Variants in SCFD2 observed in about 807,000 individuals in gnomAD.
SCFD2 encodes the protein sec1 family domain-containing protein 2.
Under a neutral mutation model 58.9 loss-of-function variants are expected in SCFD2, and 54 were observed. The observed-to-expected ratio is 0.92, with a 90% confidence interval of 0.74 to 1.15. The LOEUF is 1.15. SCFD2 is among the 50% of genes most tolerant of loss of function. SCFD2 has a pLI of 0.00. For missense variants in SCFD2, 805 were observed against 836.6 expected, an observed-to-expected ratio of 0.96 and a Z score of 0.47; for synonymous variants, 321 against 335.9, an observed-to-expected ratio of 0.96 and a Z score of 0.49.
chr4:53,320,362 A>C (rs1313795019), intron 2 of SCFD2, among the ~76,000 whole-genome samples: 1 of 152,230 alleles, frequency 6.6e-6, no homozygotes, highest in Non-Finnish European at 1.5e-5. Flanking sequence ...CACGCCTGTA[A>C]TCCCAGCACT....
intron 1 of SCFD2, among the ~76,000 whole-genome samples, chr4:53,360,753 G>A (rs768176863): frequency 1.6e-4 from 24 of 152,168 alleles, no homozygotes; most frequent in Non-Finnish European, 2.6e-4. Flanking sequence ...AGAAGGAAGC[G>A]GAGTCTTTAT....
At chr4:53,358,825 C>T (rs1160676832) in intron 1 of SCFD2, among the ~76,000 whole-genome samples, 1 of 152,208 alleles carries the variant, frequency 6.6e-6, no homozygotes, top group East Asian at 1.9e-4. Context: ...GACTTAAATC[C>T]TCTATGCAAA....
At chr4:53,350,050 G>A (rs1260545508) in intron 2 of SCFD2, among the ~76,000 whole-genome samples, 6 of 152,150 alleles carry the variant, frequency 3.9e-5, no homozygotes, top group African/African-American at 1.2e-4. Flanking sequence ...TGAGAAGTAC[G>A]TAAGTTAATA....
intron 5 of SCFD2, among the ~76,000 whole-genome samples, chr4:53,033,557 T>C (rs1313654226): frequency 1.3e-5 from 2 of 151,516 alleles, no homozygotes; most frequent in African/African-American, 2.4e-5. Flanking sequence ...AACAACAAAA[T>C]AGATAGACCA....
At chr4:52,895,776 A>AC (rs1370998831) in intron 7 of SCFD2, among the ~76,000 whole-genome samples, 1 of 151,270 alleles carries the variant, frequency 6.6e-6, no homozygotes, top group Non-Finnish European at 1.5e-5. Flanking sequence ...GCACTAGTTT[A>AC]CAGTGTGTAA....
At chr4:53,004,288 G>A (rs1046790907) in intron 5 of SCFD2, among the ~76,000 whole-genome samples, 1 of 152,172 alleles carries the variant, frequency 6.6e-6, no homozygotes, top group African/African-American at 2.4e-5. Context: ...AGCATGGAAA[G>A]GAACGTAAAT....
At chr4:53,229,026 T>C (rs1729329453) in intron 4 of SCFD2, among the ~76,000 whole-genome samples, 2 of 151,958 alleles carry the variant, frequency 1.3e-5, no homozygotes, top group South Asian at 2.1e-4. Context: ...CACAATTGCT[T>C]CAAAGAGAAT....
intron 5 of SCFD2, among the ~76,000 whole-genome samples, chr4:53,131,031 G>A (rs905997226): frequency 2.6e-5 from 4 of 152,136 alleles, no homozygotes; most frequent in African/African-American, 7.2e-5. Flanking sequence ...CAAAATATAT[G>A]ACTAAGAATT....
At chr4:53,238,610 G>C (rs1351127376) in intron 4 of SCFD2, among the ~76,000 whole-genome samples, 1 of 151,690 alleles carries the variant, frequency 6.6e-6, no homozygotes, top group Non-Finnish European at 1.5e-5. Context: ...CAGACGGGGC[G>C]GCTGCCAGGC....
At chr4:52,951,482 A>G (rs1445488801) in intron 5 of SCFD2, among the ~76,000 whole-genome samples, 4 of 152,226 alleles carry the variant, frequency 2.6e-5, no homozygotes, top group African/African-American at 9.6e-5. Context: ...CAGTACCCTT[A>G]GAAAGACTAA....
intron 5 of SCFD2, among the ~76,000 whole-genome samples, chr4:53,048,169 G>A (rs1176001676): frequency 2.6e-5 from 4 of 152,092 alleles, no homozygotes; most frequent in Non-Finnish European, 5.9e-5. Flanking sequence ...TAGTCAACAT[G>A]GCGAAATCCT....
At chr4:53,138,137 C>G (rs1364182468) in intron 5 of SCFD2, among the ~76,000 whole-genome samples, 2 of 152,044 alleles carry the variant, frequency 1.3e-5, no homozygotes, top group African/African-American at 4.8e-5. Flanking sequence ...GAAAAATAGC[C>G]TATTTATAAT....
chr4:53,007,170 A>C (rs1422854350), intron 5 of SCFD2, among the ~76,000 whole-genome samples: 8 of 151,682 alleles, frequency 5.3e-5, no homozygotes, highest in African/African-American at 1.9e-4. Context: ...AGTCCCAGCC[A>C]CTCAGAAGGC....
chr4:53,365,328 G>T lies in SCFD2; in HGVS notation c.614C>A (p.Ser205Tyr), dbSNP rs1734664168. The change falls in exon 1 of 9, where the codon TCC becomes TAC. Residue 205 changes from serine (S) to tyrosine (Y), a missense_variant. This residue lies in a region of SCFD2 where 633 missense variants were observed against 646.8 expected (regional missense o/e 0.98). Coordinates refer to ENST00000401642, the MANE Select transcript of SCFD2 (RefSeq NM_152540.4). The surrounding 1 kb of genome is among the most constrained non-coding windows in gnomAD (Gnocchi z 4.3). The part of the protein sequence containing the change: ...RKLGSLGDVD[S>Y]TTLTPELLLQ... ...CAGCAGCTCTGGGGTTAGCGTAGTGGAGTCCACATCACCCAGGCTTCCCAG... is the reference window on the plus strand; with the variant it reads ...CAGCAGCTCTGGGGTTAGCGTAGTGTAGTCCACATCACCCAGGCTTCCCAG... 1 of 1,614,086 alleles carries T rather than the reference G, an allele frequency of 6.2e-7. No individual in the cohort carries two copies. Among genetic ancestry groups the T allele is most frequent in the African/African-American group, 1.3e-5 (1 of 74,934 alleles).
intron 2 of SCFD2, among the ~76,000 whole-genome samples, chr4:53,322,493 A>G (rs1298081079): frequency 1.3e-5 from 2 of 152,170 alleles, no homozygotes; most frequent in African/African-American, 4.8e-5. Flanking sequence ...CATAAAATAG[A>G]GAGTATTTGA....
At chr4:53,008,057 C>T (rs1334535279) in intron 5 of SCFD2, among the ~76,000 whole-genome samples, 1 of 152,138 alleles carries the variant, frequency 6.6e-6, no homozygotes, top group Non-Finnish European at 1.5e-5. Context: ...CTCACTCAAA[C>T]TAGGTAATTT....
intron 4 of SCFD2, among the ~76,000 whole-genome samples, chr4:53,186,074 G>A (rs1727728432): frequency 6.6e-6 from 1 of 152,098 alleles, no homozygotes; most frequent in Admixed American, 6.6e-5. Flanking sequence ...CATTGACTTA[G>A]GTCTTGACTG....
intron 2 of SCFD2, among the ~76,000 whole-genome samples, chr4:53,342,316 G>T (rs1005535702): frequency 2.0e-5 from 3 of 151,852 alleles, no homozygotes; most frequent in East Asian, 3.9e-4. Context: ...TCCTAGTCTT[G>T]GATAAAACAG....
chr4:53,171,997 T>TTTATTTA (rs1234493516), intron 4 of SCFD2, among the ~76,000 whole-genome samples: 1 of 150,004 alleles, frequency 6.7e-6, no homozygotes, highest in Admixed American at 6.7e-5. Flanking sequence ...ATTTTATTTA[T>TTTATTTA]TTATTTATTA....
Sources: gnomAD v4.1 joint callset for allele counts (sites outside exome capture counted in the v4.1 genomes callset) on GRCh38, gnomAD v4.1.1 for gene constraint, gnomAD v4.1.1 regional missense constraint, Gnocchi (gnomAD v3.1) non-coding constraint, MANE v1.5 for transcripts, NCBI Gene and HGNC (gene_info 2026-07-23, HGNC 2026-07-21) for gene names.